The following ZNF816 variants were observed in gnomAD, a reference collection of about 807,000 sequenced individuals.
ZNF816 encodes zinc finger protein 816.
Under a neutral mutation model 8.3 loss-of-function variants are expected in ZNF816, and 11 were observed. The ratio of observed to expected loss-of-function variants is 1.32; its 90% CI spans 0.83 to 2.19. The LOEUF (loss-of-function observed/expected upper bound fraction) is 2.19. Among genes scored for constraint, ZNF816 ranks in the 30% most tolerant of loss-of-function variants. The pLI is 0.00. For missense variants in ZNF816, 710 were observed against 779.3 expected (o/e 0.91, Z 1.06); for synonymous variants, 255 against 254.5 (o/e 1.00, Z -0.02).
At chr19:52,955,240 A>C (rs2122158153) in intron 2 of ZNF816, among the ~76,000 whole-genome samples, 1 of 152,364 alleles carries the variant, frequency 6.6e-6, no homozygotes, top group East Asian at 1.9e-4. Context: ...AGTGCTGAGA[A>C]TGATTTAAAG....
At chr19:52,953,262 A>T (rs1304397187) in intron 2 of ZNF816, 1 of 278,498 alleles carries the variant, frequency 3.6e-6, no homozygotes. Flanking sequence ...GTGTGGTGGC[A>T]CACGCCTCTA....
Position 52,949,872 on chromosome 19 carries a change from T to G in ZNF816, c.1903A>C (p.Thr635Pro). The change falls in exon 4 of 4, where the codon ACA (threonine) becomes CCA (proline). Residue 635 changes from threonine (T) to proline (P), a missense_variant. Coordinates refer to ENST00000444460, the MANE Select transcript of ZNF816 (RefSeq NM_001202457.3). The stretch of plus-strand genomic sequence containing the variant: ...TGGATTGCTTGATGGTGAATAAGTG[T>G]TGACTGTCCAGTAAAGGCTTTGCCA... ...ECGKAFTGQS[T>P]LIHHQAIHGC... is the part of the protein sequence containing the mutation. 2 of 1,613,590 alleles carry G rather than the reference T, an allele frequency of 1.2e-6. No individual in the cohort carries two copies. Among genetic ancestry groups the G allele is most frequent in the Non-Finnish European group, 1.7e-6 (2 of 1,179,738 alleles).
chr19:52,956,989 C>A (rs769420726), intron 1 of ZNF816, among the ~76,000 whole-genome samples: 1 of 152,130 alleles, frequency 6.6e-6, no homozygotes, highest in Non-Finnish European at 1.5e-5. Flanking sequence ...AGCTGATGCA[C>A]GTAGTGTCAA....
At chr19:52,956,156 T>C (rs2083508421) in intron 1 of ZNF816, 52 bp from the exon 2 acceptor site, 9 of 1,566,334 alleles carry the variant, frequency 5.7e-6, no homozygotes, top group Middle Eastern at 3.5e-4. Context: ...TTGACTCCTT[T>C]CCTGTGACAA....
chr19:52,951,605 T>C (rs772522248), intron 3 of ZNF816, 21 bp from the exon 4 acceptor site: 9 of 1,517,950 alleles, frequency 5.9e-6, no homozygotes, highest in African/African-American at 1.4e-5. Context: ...TAAAGACCAA[T>C]AGGTTTCCAA....
chr19:52,952,226 A>C (rs1409053576), intron 3 of ZNF816, among the ~76,000 whole-genome samples: 1 of 152,038 alleles, frequency 6.6e-6, no homozygotes, highest in Non-Finnish European at 1.5e-5. Flanking sequence ...AAAATCTGCC[A>C]GGTATGGAGG....
chr19:52,949,702 T>C lies in ZNF816; in HGVS notation c.*117A>G. 6.7e-7 allele frequency: 1 copy of C among 1,483,262 alleles called. No individual in the cohort carries two copies. The highest frequency in any genetic ancestry group is 9.4e-7 in the Non-Finnish European group (1 of 1,068,264). 91.9% of individuals were successfully genotyped at this position (1,483,262 alleles called of 1,614,324 possible). On this transcript the variant is annotated 3_prime_UTR_variant, in exon 4 of 4. Transcript: ENST00000444460. ...TATGAGTTCACTGATGAACTACAAG[T>C]TATGAATGACGTCTGAAAAATTTGC...
In ZNF816 at chr19:52,951,540, T is replaced by C; in HGVS notation, c.235A>G (p.Ser79Gly). 1.3e-6 allele frequency: 2 copies of C among 1,582,642 alleles called. No individual in the cohort carries two copies. The highest frequency in any genetic ancestry group is 1.7e-6 in the Non-Finnish European group (2 of 1,166,278). ...SMMEFSSTRHSITGEVIHTGT... is the reference protein window; with the variant it reads ...SMMEFSSTRHGITGEVIHTGT... ...GTGTGGATCACTTCTCCTGTAATAC[T>C]GTGCCTGGTTGATGAGAACTCCATC... The change falls in exon 4 of 4, where the codon AGT becomes GGT. Residue 79 changes from serine (S) to glycine (G), a missense_variant. Coordinates refer to ENST00000444460, the MANE Select transcript of ZNF816 (RefSeq NM_001202457.3).
chr19:52,953,635 T>C (rs1284696311), intron 2 of ZNF816, among the ~76,000 whole-genome samples: 2 of 138,952 alleles, frequency 1.4e-5, no homozygotes, highest in Non-Finnish European at 3.0e-5. Flanking sequence ...TGATACAATA[T>C]TATATATAAT....
chr19:52,952,903 A>G (rs1280704139), intron 2 of ZNF816, 26 bp from the exon 3 acceptor site: 2 of 1,584,128 alleles, frequency 1.3e-6, no homozygotes, highest in Non-Finnish European at 8.5e-7. Context: ...CGTTTCAACA[A>G]AACATTATGG....
chr19:52,950,724 C>T lies in ZNF816; in HGVS notation c.1051G>A (p.Gly351Ser). The part of the protein sequence containing the change: ...YKCNECGKTF[G>S]RNSALVIHKA... The stretch of plus-strand genomic sequence containing the variant: ...TGAATTACAAGGGCTGAATTTCGAC[C>T]AAAAGTCTTGCCACACTCATTACAC... Residue 351 changes from glycine (G) to serine (S), a missense_variant, in exon 4 of 4, where the codon GGT (glycine) becomes AGT (serine). Transcript: ENST00000444460. 6.2e-7 allele frequency: 1 copy of T among 1,607,046 alleles called. No individual in the cohort carries two copies. Among genetic ancestry groups the T allele is most frequent in the Non-Finnish European group, 8.5e-7 (1 of 1,177,872 alleles).
At chr19:52,954,587 G>A (rs2083493248) in intron 2 of ZNF816, among the ~76,000 whole-genome samples, 1 of 152,092 alleles carries the variant, frequency 6.6e-6, no homozygotes, top group Non-Finnish European at 1.5e-5. Flanking sequence ...CACTTAGGGA[G>A]GCCGACGTGG....
rs1485137718 is a variant in ZNF816, at chr19:52,957,330, T to G, written c.-15-1226A>C. 6.6e-6 allele frequency among the ~76,000 whole-genome samples: 1 copy of G among 152,168 alleles called. No homozygotes were observed. The highest frequency in any genetic ancestry group is 2.4e-5 in the African/African-American group (1 of 41,424). ...TCCAGCCAGCTTGGGCGACATGGATTCTGAGAGTGCTACCAGGTAGGCATG... is the reference window on the plus strand; with the variant it reads ...TCCAGCCAGCTTGGGCGACATGGATGCTGAGAGTGCTACCAGGTAGGCATG... On this transcript the variant is annotated intron_variant, in intron 1 of 3. Transcript: ENST00000444460. The surrounding 1 kb of genome is among the most constrained non-coding windows in gnomAD (Gnocchi z 4.6).
In ZNF816 at chr19:52,950,645, G is replaced by T. The variant is rs1310203734; in HGVS notation, c.1130C>A (p.Thr377Asn). 34 of 1,613,822 alleles carry T rather than the reference G, an allele frequency of 2.1e-5. No homozygotes were observed. The highest frequency in any genetic ancestry group is 2.8e-5 in the Non-Finnish European group (33 of 1,180,000). ...KPYKCNECGK[T>N]FSQKSSLQCH... is the part of the protein sequence containing the mutation. The stretch of plus-strand genomic sequence containing the variant: ...TTGAAGGGATGATTTCTGACTGAAG[G>T]TCTTGCCACACTCATTACACTTGTA... The change falls in exon 4 of 4, where the codon ACC becomes AAC. Residue 377 changes from threonine to asparagine, a missense_variant. By Grantham distance (65) the Thr-to-Asn change is moderately conservative (BLOSUM62 0). Transcript: ENST00000444460.
intron 3 of ZNF816, 128 bp downstream of exon 3, chr19:52,952,623 C>A: frequency 3.3e-6 from 5 of 1,534,364 alleles, no homozygotes; most frequent in Non-Finnish European, 4.4e-6. Context: ...AGGGTCATCA[C>A]CGCAGAAAAC....
In ZNF816 at chr19:52,949,483, A is replaced by T; in HGVS notation, c.*336T>A. On this transcript the variant is annotated 3_prime_UTR_variant, in exon 4 of 4. Transcript: ENST00000444460. ...ATGACCACAGAGTGAAGACCTTGCC[A>T]CCCTTACATTTGTAAGGCATCTGTC... 1 of 493,116 alleles carries T rather than the reference A, an allele frequency of 2.0e-6. No individual in the cohort carries two copies. 30.5% of individuals were successfully genotyped at this position (493,116 alleles called of 1,614,324 possible).
At chr19:52,960,897 C>A (rs148507160) in intron 1 of ZNF816, among the ~76,000 whole-genome samples, 3 of 152,174 alleles carry the variant, frequency 2.0e-5, no homozygotes, top group African/African-American at 4.8e-5. Context: ...CAGTCACACC[C>A]GGAAGCTGAC....
rs187343899 is a variant in ZNF816, at chr19:52,949,540, T to A, written c.*279A>T. The A allele has an allele frequency of 2.9e-5, 19 of 655,766 alleles. No homozygotes were observed. The East Asian group carries it at 5.9e-4, about 20-fold the overall frequency. The allele number at this position is 655,766 out of a possible 1,614,324, so 40.6% of individuals were successfully genotyped here. A position where few individuals can be genotyped will look rare whatever the true frequency, so the allele number is the denominator to read the frequency against. On this transcript the variant is annotated 3_prime_UTR_variant, in exon 4 of 4. Transcript: ENST00000444460. Reference sequence around the variant, plus strand: ...GAATTCTCTGATGTCTAATGAGGTGTGAACATGAAGTAAAGGCTTTGCCAC... The same window carrying A: ...GAATTCTCTGATGTCTAATGAGGTGAGAACATGAAGTAAAGGCTTTGCCAC...
At chr19:52,959,442 A>C in intron 1 of ZNF816, among the ~76,000 whole-genome samples, 1 of 152,310 alleles carries the variant, frequency 6.6e-6, no homozygotes, top group East Asian at 1.9e-4. Flanking sequence ...GCATCAGTAG[A>C]CTGGGAGCTA....
Sources: allele counts gnomAD v4.1 joint callset (sites outside exome capture counted in the v4.1 genomes callset), GRCh38; gene constraint gnomAD v4.1.1; non-coding constraint Gnocchi (gnomAD v3.1); transcripts MANE v1.5; gene names NCBI Gene and HGNC (gene_info 2026-07-23, HGNC 2026-07-21).